Variants in UBR3 observed in about 807,000 individuals in gnomAD.
The protein encoded by UBR3 is E3 ubiquitin-protein ligase UBR3.
A neutral mutation model predicts 243.2 loss-of-function variants in UBR3; 85 were observed. The ratio of observed to expected loss-of-function variants is 0.35; its 90% CI spans 0.29 to 0.42. The LOEUF (loss-of-function observed/expected upper bound fraction) is 0.42, where lower values mean the gene tolerates loss of function less well. Among genes scored for constraint, UBR3 ranks in the 10% least tolerant of loss-of-function variants. UBR3 has a pLI of 1.00. For synonymous variants in UBR3, 748 were observed against 799.8 expected, an observed-to-expected ratio of 0.94 and a Z score of 1.09; for missense variants, 1,686 against 2,300.8, an observed-to-expected ratio of 0.73 and a Z score of 5.47.
chr2:169,975,698 A>G (rs1416958003), intron 24 of UBR3, among the ~76,000 whole-genome samples: 1 of 152,134 alleles, frequency 6.6e-6, no homozygotes, highest in African/African-American at 2.4e-5. Context: ...CTGTAGTCTC[A>G]GCTACCCAGG....
In UBR3 at chr2:169,943,823, A is replaced by G. The variant is rs370801754; in HGVS notation, c.2805+1189A>G. ...ACTATGTACAATCATTTAACACATTATTTAAGAAAGTATGTATTTAGTTAG... is the reference window on the plus strand; with the variant it reads ...ACTATGTACAATCATTTAACACATTGTTTAAGAAAGTATGTATTTAGTTAG... On this transcript the variant is annotated intron_variant, in intron 20 of 38. Coordinates refer to ENST00000272793, the MANE Select transcript of UBR3 (RefSeq NM_172070.4). 3.3e-5 allele frequency among the ~76,000 whole-genome samples: 5 copies of G among 152,276 alleles called. No homozygotes were observed. In the East Asian group the frequency reaches 9.6e-4, roughly 29 times the overall value.
chr2:169,954,606 C>T (rs368720581), intron 23 of UBR3, among the ~76,000 whole-genome samples: 77 of 140,888 alleles, frequency 5.5e-4, no homozygotes, highest in African/African-American at 1.8e-3. Context: ...GACAGAGTCT[C>T]TTTCTGTCAC....
chr2:169,850,454 C>T (rs2082619852), intron 1 of UBR3, among the ~76,000 whole-genome samples: 2 of 145,800 alleles, frequency 1.4e-5, no homozygotes, highest in South Asian at 5.0e-4. Context: ...GGTGGGATTA[C>T]AGGCATGGGC....
intron 31 of UBR3, among the ~76,000 whole-genome samples, chr2:170,031,199 T>C (rs2090658094): frequency 6.6e-6 from 1 of 152,072 alleles, no homozygotes; most frequent in Non-Finnish European, 1.5e-5. Context: ...CACCTCAGCC[T>C]CTCCCGTGTT....
intron 5 of UBR3, among the ~76,000 whole-genome samples, chr2:169,890,593 G>GTATATATATGTATATATATA (rs1559064540): frequency 3.9e-5 from 3 of 76,158 alleles, no homozygotes; most frequent in African/African-American, 1.5e-4. Flanking sequence ...ATATATATAT[G>GTATATATATGTATATATATA]TATATATATG....
At chr2:170,081,300 A>G (rs1175305136) in intron 38 of UBR3, among the ~76,000 whole-genome samples, 1 of 152,182 alleles carries the variant, frequency 6.6e-6, no homozygotes, top group African/African-American at 2.4e-5. Context: ...GGAGTTCGAG[A>G]CCAGGCTGGC....
chr2:169,925,532 C>T, intron 13 of UBR3, 87 bp from the exon 14 acceptor site: 1 of 1,216,816 alleles, frequency 8.2e-7, no homozygotes. Flanking sequence ...ATGATCACAT[C>T]ATTAAATATT....
At chr2:169,883,154 C>A (rs1395455408) in intron 5 of UBR3, among the ~76,000 whole-genome samples, 3 of 152,182 alleles carry the variant, frequency 2.0e-5, no homozygotes, top group Non-Finnish European at 4.4e-5. Flanking sequence ...CTTTGGTCAT[C>A]ATATGTGGTT....
chr2:169,836,081 T>A (rs1455870252), intron 1 of UBR3, among the ~76,000 whole-genome samples: 20 of 108,124 alleles, frequency 1.8e-4, no homozygotes, highest in Non-Finnish European at 3.6e-4. Flanking sequence ...TTTTTTTTTT[T>A]TTTTTTTTTT....
At chr2:169,868,437 G>T (rs1391914499) in intron 1 of UBR3, among the ~76,000 whole-genome samples, 1 of 152,138 alleles carries the variant, frequency 6.6e-6, no homozygotes, top group Admixed American at 6.6e-5. Context: ...TCCACCTCCC[G>T]GGTTTAAGTG....
At position 169,942,567 on chromosome 2, in the gene UBR3, A is replaced by G. The variant is rs1367060983; in HGVS notation, c.2738A>G (p.Tyr913Cys). The G allele has an allele frequency of 3.2e-6, 5 of 1,550,592 alleles. No individual in the cohort carries two copies. The highest frequency in any genetic ancestry group is 4.4e-6 in the Non-Finnish European group (5 of 1,146,716). Residue 913 changes from tyrosine (Y) to cysteine (C), a missense_variant, in exon 20 of 39, where the codon TAT becomes TGT. Tyr to Cys is a radical substitution (Grantham distance 194). Coordinates refer to ENST00000272793, the MANE Select transcript of UBR3 (RefSeq NM_172070.4). ...YKKRTSLHPS[Y>C]KGLMRLLHCK... ...AAAAGGACATCACTCCATCCTAGCT[A>G]TAAAGGTCTTATGAGACTTTTGCAC...
rs34139919 is a variant in UBR3, at chr2:169,956,203, ACTCTCT to A, written c.3546-2218_3546-2213del. Among the ~76,000 whole-genome samples, 934 of 145,938 alleles carry A rather than the reference ACTCTCT, an allele frequency of 6.4e-3. 7 individuals are homozygous for A. The highest frequency in any genetic ancestry group is 0.021 in the African/African-American group (810 of 39,448). ...TGCAGTGAGATACCTGACACCTATAACTCTCTCTCTCTCTCTCTCTCTATCTGTGTA... is the reference window on the plus strand; with the variant it reads ...TGCAGTGAGATACCTGACACCTATAACTCTCTCTCTCTCTCTATCTGTGTA... On this transcript the variant is annotated intron_variant, in intron 23 of 38. Coordinates refer to ENST00000272793, the MANE Select transcript of UBR3 (RefSeq NM_172070.4).
At chr2:169,848,722 TTG>T (rs1217836837) in intron 1 of UBR3, among the ~76,000 whole-genome samples, 18 of 150,430 alleles carry the variant, frequency 1.2e-4, no homozygotes, top group Admixed American at 9.3e-4. Flanking sequence ...TTTTTTTTTT[TTG>T]AGACAAAGAA....
chr2:170,040,751 T>G lies in UBR3; in HGVS notation c.4557-131T>G, dbSNP rs942210525. On this transcript the variant is annotated intron_variant, in intron 31 of 38. Coordinates refer to ENST00000272793, the MANE Select transcript of UBR3 (RefSeq NM_172070.4). Reference sequence around the variant, plus strand: ...TTTGCAAAAAATATGACTCCTAAGGTTTTTTTTTACATTTCTTCTTTGTGT... The same window carrying G: ...TTTGCAAAAAATATGACTCCTAAGGGTTTTTTTTACATTTCTTCTTTGTGT... 4.0e-5 allele frequency: 29 copies of G among 733,346 alleles called. No individual in the cohort carries two copies. The African/African-American group carries it at 5.0e-4, about 13-fold the overall frequency. The allele number at this position is 733,346 out of a possible 1,614,324, so 45.4% of individuals were successfully genotyped here.
chr2:169,907,043 T>C (rs923850398), intron 10 of UBR3, among the ~76,000 whole-genome samples: 7 of 148,212 alleles, frequency 4.7e-5, no homozygotes, highest in South Asian at 2.1e-4. Flanking sequence ...TTTCTTTTTT[T>C]TTTTTTTTTT....
At position 170,080,286 on chromosome 2, in the gene UBR3, A is replaced by G. The variant is rs761665001; in HGVS notation, c.5410-259A>G. 1.2e-5 allele frequency: 7 copies of G among 563,708 alleles called. No homozygotes were observed. In the African/African-American group the frequency reaches 1.3e-4, roughly 11 times the overall value. 34.9% of individuals were successfully genotyped at this position (563,708 alleles called of 1,614,324 possible). A position where few individuals can be genotyped will look rare whatever the true frequency, so the allele number is the denominator to read the frequency against. Reference sequence around the variant, plus strand: ...GGTATGTACTTTGGAATGTGCTGTGAAACAGAAGTCATCTGTGCTGTTGAA... The same window carrying G: ...GGTATGTACTTTGGAATGTGCTGTGGAACAGAAGTCATCTGTGCTGTTGAA... On this transcript the variant is annotated intron_variant, in intron 37 of 38. Coordinates refer to ENST00000272793, the MANE Select transcript of UBR3 (RefSeq NM_172070.4).
chr2:169,953,584 G>A (rs994531469), intron 23 of UBR3, among the ~76,000 whole-genome samples: 4 of 152,120 alleles, frequency 2.6e-5, no homozygotes, highest in African/African-American at 9.7e-5. Flanking sequence ...TTACATTTAT[G>A]CCCATTTAGA....
At chr2:169,987,570 A>G (rs1222721810) in intron 25 of UBR3, among the ~76,000 whole-genome samples, 1 of 151,356 alleles carries the variant, frequency 6.6e-6, no homozygotes, top group South Asian at 2.1e-4. Context: ...TTTAAACTAT[A>G]TAATTTTATT....
intron 5 of UBR3, among the ~76,000 whole-genome samples, chr2:169,880,763 C>A (rs539209674): frequency 1.5e-4 from 23 of 152,148 alleles, no homozygotes; most frequent in African/African-American, 5.3e-4. Flanking sequence ...TTCTGTTTCC[C>A]GCCTCCATCC....
Sources: gnomAD v4.1 joint callset for allele counts (sites outside exome capture counted in the v4.1 genomes callset) on GRCh38, gnomAD v4.1.1 for gene constraint, MANE v1.5 for transcripts, NCBI Gene and HGNC (gene_info 2026-07-23, HGNC 2026-07-21) for gene names.